The following ADD2 variants were observed in gnomAD, a reference collection of about 807,000 sequenced individuals.
ADD2 encodes adducin 2.
ADD2 carries 23 observed loss-of-function variants against 83.0 expected under a neutral mutation model. The observed-to-expected ratio is 0.28, with a 90% CI of 0.20 to 0.39. The LOEUF (loss-of-function observed/expected upper bound fraction) is 0.39. Among genes scored for constraint, ADD2 ranks in the 10% least tolerant of loss-of-function variants. ADD2 has a pLI of 1.00. For missense variants in ADD2, 758 were observed against 944.9 expected (o/e 0.80, Z 2.59); for synonymous variants, 375 against 375.4 (o/e 1.00, Z 0.01).
At chr2:70,711,210 C>T (rs2104403942) in intron 2 of ADD2, 1 of 152,254 alleles carries the variant, frequency 6.6e-6, no homozygotes, top group South Asian at 2.1e-4. Flanking sequence ...TCATCTTTGT[C>T]CCTGGTTCCT....
At chr2:70,701,644 T>C (rs1337530812) in intron 4 of ADD2, among the ~76,000 whole-genome samples, 1 of 152,028 alleles carries the variant, frequency 6.6e-6, no homozygotes, top group Non-Finnish European at 1.5e-5. Flanking sequence ...ATATTAAAAT[T>C]TAAATAAGAG....
chr2:70,661,575 G>A lies in ADD2; in HGVS notation c.*1850C>T, dbSNP rs1675538009. 6.6e-6 allele frequency: 1 copy of A among 152,156 alleles called. No homozygotes were observed. The allele number at this position is 152,156 out of a possible 1,614,324, so 9.4% of individuals were successfully genotyped here. A position where few individuals can be genotyped will look rare whatever the true frequency, so the allele number is the denominator to read the frequency against. On this transcript the variant is annotated 3_prime_UTR_variant, in exon 16 of 16. Transcript: ENST00000264436. ...CAGTTTCCTTCCTTCTCAAGAAATA[G>A]CCAACTATGGATGGTATTTCCCGCC...
Position 70,706,498 on chromosome 2 carries a change from C to T in ADD2, c.-34-56G>A, listed in dbSNP as rs1477718888. The T allele has an allele frequency of 6.8e-7, 1 of 1,465,474 alleles. No homozygotes were observed. The highest frequency in any genetic ancestry group is 2.0e-5 in the Admixed American group (1 of 49,672). 90.8% of individuals were successfully genotyped at this position (1,465,474 alleles called of 1,614,324 possible). On this transcript the variant is annotated intron_variant, in intron 2 of 15. Transcript: ENST00000264436. The surrounding 1 kb of genome is among the most constrained non-coding windows in gnomAD (Gnocchi z 5.0). ...GGTTGGTGCTCCCCATCGGGGTACA[C>T]GTTTCTCAGAGCACAGGGCTAGGTT...
chr2:70,720,391 T>A (rs1672677048), intron 1 of ADD2, among the ~76,000 whole-genome samples: 1 of 124,046 alleles, frequency 8.1e-6, no homozygotes, highest in Non-Finnish European at 1.7e-5. Flanking sequence ...TGGAGACATC[T>A]CAAAAGCTGA....
intron 1 of ADD2, among the ~76,000 whole-genome samples, chr2:70,723,775 C>G (rs1553377766): frequency 6.6e-6 from 1 of 152,154 alleles, no homozygotes; most frequent in African/African-American, 2.4e-5. Flanking sequence ...TCCTGACACA[C>G]TTGCACCGCA....
chr2:70,674,244 G>A (rs1670027960), intron 14 of ADD2, among the ~76,000 whole-genome samples: 1 of 152,208 alleles, frequency 6.6e-6, no homozygotes, highest in Non-Finnish European at 1.5e-5. Context: ...AGTCAACACA[G>A]AGAGATGGGC....
intron 10 of ADD2, among the ~76,000 whole-genome samples, chr2:70,680,931 G>A (rs1157185624): frequency 6.6e-6 from 1 of 152,128 alleles, no homozygotes; most frequent in Non-Finnish European, 1.5e-5. Flanking sequence ...CTGGATGTGA[G>A]CCAAACTAAC....
chr2:70,703,025 C>A (rs1017947726), intron 4 of ADD2, among the ~76,000 whole-genome samples: 1 of 151,910 alleles, frequency 6.6e-6, no homozygotes, highest in Non-Finnish European at 1.5e-5. Context: ...ACTTGGCAGG[C>A]TGAAGTGGGA....
At chr2:70,698,953 A>T (rs2104355745) in intron 4 of ADD2, among the ~76,000 whole-genome samples, 1 of 152,204 alleles carries the variant, frequency 6.6e-6, no homozygotes, top group South Asian at 2.1e-4. Flanking sequence ...ATAACAACCT[A>T]TCTGGGCTTG....
chr2:70,676,755 A>C lies in ADD2; in HGVS notation c.1593+41T>G. 6.2e-7 allele frequency: 1 copy of C among 1,613,888 alleles called. No individual in the cohort carries two copies. Among genetic ancestry groups the C allele is most frequent in the Non-Finnish European group, 8.5e-7 (1 of 1,179,896 alleles). On this transcript the variant is annotated intron_variant, in intron 13 of 15. Transcript: ENST00000264436. The surrounding 1 kb of genome is among the most constrained non-coding windows in gnomAD (Gnocchi z 4.8). Reference sequence around the variant, plus strand: ...CCCAGGCACAGAAGACCCCGAAGGCAAACACGTTTCCCCGCCAGTCAGGGG... The same window carrying C: ...CCCAGGCACAGAAGACCCCGAAGGCCAACACGTTTCCCCGCCAGTCAGGGG...
Position 70,672,956 on chromosome 2 carries a change from G to A in ADD2, c.1792C>T (p.Pro598Ser), listed in dbSNP as rs1201523380. 5 of 1,613,946 alleles carry A rather than the reference G, an allele frequency of 3.1e-6. No individual in the cohort carries two copies. The highest frequency in any genetic ancestry group is 4.2e-6 in the Non-Finnish European group (5 of 1,180,000). The change falls in exon 15 of 16, where the codon CCT becomes TCT. Residue 598 changes from proline (P) to serine (S), a missense_variant. This residue lies in a region of ADD2 where 165 missense variants were observed against 176.2 expected (regional missense o/e 0.94). Transcript: ENST00000264436. ...GCTGGGCTCTGCACTGGAGAAGCAG[G>A]TGCAGACTTTGCAGGTGAGCCAGGC... Reference protein sequence around the residue: ...EEPGSPAKSAPASPVQSPAKE... With the variant: ...EEPGSPAKSASASPVQSPAKE...
At chr2:70,668,596 A>T (rs1309094909) in intron 15 of ADD2, among the ~76,000 whole-genome samples, 3 of 152,202 alleles carry the variant, frequency 2.0e-5, no homozygotes, top group Admixed American at 1.3e-4. Context: ...TGTTCAAGCC[A>T]TGTTTACTGC....
chr2:70,738,729 C>T (rs1415119559), intron 1 of ADD2, among the ~76,000 whole-genome samples: 1 of 152,174 alleles, frequency 6.6e-6, no homozygotes, highest in Non-Finnish European at 1.5e-5. Flanking sequence ...GTGCCTGTGA[C>T]AGGATGGGTG....
At position 70,676,999 on chromosome 2, in the gene ADD2, G is replaced by A. The variant is rs868950051; in HGVS notation, c.1504-114C>T. On this transcript the variant is annotated intron_variant, in intron 12 of 15. Coordinates refer to ENST00000264436, the MANE Select transcript of ADD2 (RefSeq NM_001617.4). The surrounding 1 kb of genome is among the most constrained non-coding windows in gnomAD (Gnocchi z 4.8). ...AGAAAGGTCCTCTAGCGGTGTGGGA[G>A]CCCGTCACCTATCCTAATGCAATCC... 33 of 1,468,760 alleles carry A rather than the reference G, an allele frequency of 2.2e-5. No individual in the cohort carries two copies. The highest frequency in any genetic ancestry group is 3.6e-4 in the Middle Eastern group (2 of 5,504). 91.0% of individuals were successfully genotyped at this position (1,468,760 alleles called of 1,614,324 possible).
chr2:70,723,101 T>C (rs1672812316), intron 1 of ADD2, among the ~76,000 whole-genome samples: 1 of 152,218 alleles, frequency 6.6e-6, no homozygotes, highest in South Asian at 2.1e-4. Context: ...GGTTCCACCA[T>C]ACAGGACCAT....
chr2:70,753,830 T>G (rs1674638444), intron 1 of ADD2, among the ~76,000 whole-genome samples: 1 of 152,210 alleles, frequency 6.6e-6, no homozygotes, highest in Non-Finnish European at 1.5e-5. Context: ...TCCCATAACA[T>G]GCTTCATTCC....
chr2:70,733,827 C>T (rs892907672), intron 1 of ADD2, among the ~76,000 whole-genome samples: 20 of 152,118 alleles, frequency 1.3e-4, no homozygotes, highest in African/African-American at 3.4e-4. Flanking sequence ...TAAGAGCTGG[C>T]GAATTTTCAG....
At chr2:70,727,226 C>T (rs147752296) in intron 1 of ADD2, among the ~76,000 whole-genome samples, 28 of 152,250 alleles carry the variant, frequency 1.8e-4, no homozygotes, top group African/African-American at 6.3e-4. Flanking sequence ...TCAAGCTCCT[C>T]GAGCTACCAT....
chr2:70,735,926 C>T (rs577609080), intron 1 of ADD2, among the ~76,000 whole-genome samples: 5 of 136,902 alleles, frequency 3.7e-5, no homozygotes, highest in Admixed American at 1.6e-4. Flanking sequence ...TGGTTTTGAA[C>T]CCCTGACCTC....
Sources: allele counts gnomAD v4.1 joint callset (sites outside exome capture counted in the v4.1 genomes callset), GRCh38; gene constraint gnomAD v4.1.1; regional missense constraint gnomAD v4.1.1; non-coding constraint Gnocchi (gnomAD v3.1); transcripts MANE v1.5; gene names NCBI Gene and HGNC (gene_info 2026-07-23, HGNC 2026-07-21).